PIGG: variants seen among roughly 807,000 people sequenced by gnomAD.
The protein encoded by PIGG is GPI ethanolamine phosphate transferase 2, catalytic subunit.
A neutral mutation model predicts 83.2 loss-of-function variants in PIGG; 70 were observed. That is an observed-to-expected ratio of 0.84 (90% CI 0.69 to 1.03). The LOEUF (loss-of-function observed/expected upper bound fraction) is 1.03. Ranked by LOEUF, PIGG falls within the 50% of genes least tolerant of loss-of-function variation. The pLI, the probability that PIGG is intolerant of heterozygous loss-of-function variation, is 0.00. For missense variants in PIGG, 1,257 were observed against 1,233.6 expected (o/e 1.02, Z -0.28); for synonymous variants, 532 against 519.5 (o/e 1.02, Z -0.33).
At chr4:539,077 T>C (rs1577180190) in intron 12 of PIGG, 76 bp from the exon 13 acceptor site, 5 of 966,136 alleles carry the variant, frequency 5.2e-6, no homozygotes, top group African/African-American at 4.8e-5. Flanking sequence ...TGGAGTCTTT[T>C]TGAAAATAAA....
At chr4:499,528 C>T (rs1553874333) in intron 1 of PIGG, 39 bp downstream of exon 1, 1 of 1,559,340 alleles carries the variant, frequency 6.4e-7, no homozygotes, top group Admixed American at 1.8e-5. Context: ...CCCCTGACCC[C>T]ACATCCCCTA....
At chr4:511,296 TAAAAAAAA>T (rs1191304904) in intron 5 of PIGG, among the ~76,000 whole-genome samples, 6 of 128,282 alleles carry the variant, frequency 4.7e-5, no homozygotes, top group Non-Finnish European at 8.4e-5. Context: ...TCCCCATCTT[TAAAAAAAA>T]AAAAAAAAAA....
rs1726749636 is a variant in PIGG, at chr4:523,760, G to A, written c.1916G>A (p.Ser639Asn). 6.2e-7 allele frequency: 1 copy of A among 1,614,072 alleles called. No individual in the cohort carries two copies. The highest frequency in any genetic ancestry group is 8.5e-7 in the Non-Finnish European group (1 of 1,180,048). Reference protein sequence around the residue: ...DVLERDKGHGSPSTSEVLRGR... With the variant: ...DVLERDKGHGNPSTSEVLRGR... ...CTGGAGCGAGACAAAGGCCACGGAA[G>A]CCCCTCTACCTCCGAAGTGCTCAGA... Residue 639 changes from serine (S) to asparagine (N), a missense_variant, in exon 9 of 13, where the codon AGC becomes AAC. Transcript: ENST00000453061.
chr4:532,064 G>C (rs1729202290), intron 11 of PIGG: 1 of 152,230 alleles, frequency 6.6e-6, no homozygotes, highest in Non-Finnish European at 1.5e-5. Flanking sequence ...AGAGGAACCT[G>C]TGGCTTTGCT....
chr4:505,264 T>C (rs1719197500), intron 2 of PIGG, among the ~76,000 whole-genome samples: 1 of 151,908 alleles, frequency 6.6e-6, no homozygotes, highest in South Asian at 2.1e-4. Context: ...TCCTTTAATA[T>C]GGTTATCTTT....
intron 10 of PIGG, 68 bp from the exon 11 acceptor site, chr4:530,368 C>A: frequency 1.7e-6 from 2 of 1,175,068 alleles, no homozygotes; most frequent in South Asian, 1.4e-5. Context: ...GTGTGTTTTT[C>A]ATGGGAAAAT....
chr4:517,397 A>G (rs1223627303), intron 6 of PIGG, among the ~76,000 whole-genome samples: 3 of 152,200 alleles, frequency 2.0e-5, no homozygotes, highest in Non-Finnish European at 4.4e-5. Flanking sequence ...CAGAGGCGTT[A>G]GGTACGACTC....
chr4:500,574 A>C lies in PIGG; in HGVS notation c.333A>C (p.Pro111=). The part of the protein sequence containing the change: ...ASHSFVAEAK[P]PTVTMPRIKA... ...ACAGTTTTGTGGCTGAAGCAAAGCC[A>C]CCTACAGTTACTATGCCTCGAATCA... The change falls in exon 2 of 13, where the codon CCA becomes CCC. Residue 111 remains proline, a synonymous_variant. Transcript: ENST00000453061. 6.2e-7 allele frequency: 1 copy of C among 1,610,520 alleles called. No homozygotes were observed. Among genetic ancestry groups the C allele is most frequent in the Non-Finnish European group, 8.5e-7 (1 of 1,176,708 alleles).
chr4:533,799 C>G lies in PIGG; in HGVS notation c.2572-19C>G. ...CCACGTGTTGTGAGGCCTTTGTCAG[C>G]TCTTCTCCTGTATTCCAGGGCAACT... On this transcript the variant is annotated intron_variant, in intron 11 of 12. Coordinates refer to ENST00000453061, the MANE Select transcript of PIGG (RefSeq NM_001127178.3). 1 of 1,613,098 alleles carries G rather than the reference C, an allele frequency of 6.2e-7. No homozygotes were observed. Among genetic ancestry groups the G allele is most frequent in the Non-Finnish European group, 8.5e-7 (1 of 1,179,082 alleles).
intron 12 of PIGG, among the ~76,000 whole-genome samples, chr4:535,487 G>T (rs1478250209): frequency 9.7e-6 from 1 of 103,572 alleles, no homozygotes; most frequent in East Asian, 3.1e-4. Flanking sequence ...CCAGCCTCCC[G>T]CACTTTCTGG....
intron 5 of PIGG, among the ~76,000 whole-genome samples, chr4:512,553 T>G (rs1450567425): frequency 6.6e-6 from 1 of 151,994 alleles, no homozygotes; most frequent in Non-Finnish European, 1.5e-5. Context: ...GCACGGTGGC[T>G]CATTTGTAAT....
intron 5 of PIGG, among the ~76,000 whole-genome samples, chr4:510,917 A>G (rs554675010): frequency 2.0e-5 from 3 of 152,062 alleles, no homozygotes; most frequent in East Asian, 1.9e-4. Context: ...TTTTGTGTAA[A>G]TGAAACCATA....
rs1461812770 is a variant in PIGG at position 523,700 on chromosome 4, C to T, written c.1856C>T (p.Thr619Ile). The T allele has an allele frequency of 1.1e-5, 17 of 1,614,120 alleles. No homozygotes were observed. Among genetic ancestry groups the T allele is most frequent in the African/African-American group, 2.7e-5 (2 of 74,946 alleles). ...GTGGAACAAGGGCATGACGGGGCCA[C>T]AGCAGCGTGGCAGGACGGGCCTGGC... is the stretch of plus-strand genomic sequence containing the variant. ...LCVEQGHDGA[T>I]AAWQDGPGCD... The change falls in exon 9 of 13, where the codon ACA becomes ATA. Residue 619 changes from threonine (T) to isoleucine (I), a missense_variant. Physicochemically the swap from Thr to Ile is moderately conservative, Grantham distance 89. Transcript: ENST00000453061.
At chr4:526,544 T>G (rs905651015) in intron 9 of PIGG, among the ~76,000 whole-genome samples, 9 of 152,008 alleles carry the variant, frequency 5.9e-5, no homozygotes, top group Non-Finnish European at 8.8e-5. Flanking sequence ...GTTACTGAGT[T>G]AATGGGAGGA....
chr4:526,940 T>G, intron 9 of PIGG, 99 bp from the exon 10 acceptor site: 1 of 1,295,432 alleles, frequency 7.7e-7, no homozygotes, highest in South Asian at 1.4e-5. Flanking sequence ...TTTGGGAAAA[T>G]CAGCTATTTT....
chr4:530,018 A>C (rs1370351517), intron 10 of PIGG, among the ~76,000 whole-genome samples: 1 of 152,232 alleles, frequency 6.6e-6, no homozygotes, highest in African/African-American at 2.4e-5. Context: ...AAATCTGCTC[A>C]GTTGTGCAAT....
intron 11 of PIGG, chr4:533,564 C>T (rs1387923883): frequency 3.8e-6 from 2 of 529,658 alleles, no homozygotes; most frequent in East Asian, 6.5e-5. Context: ...GCCCCAGCTT[C>T]TGCACGGTCC....
At position 500,452 on chromosome 4, in the gene PIGG, G is replaced by C; in HGVS notation, c.211G>C (p.Val71Leu). The change falls in exon 2 of 13, where the codon GTT (valine) becomes CTT (leucine). Residue 71 changes from valine (V) to leucine (L), a missense_variant. Val to Leu is a conservative substitution (Grantham distance 32, BLOSUM62 1). Coordinates refer to ENST00000453061, the MANE Select transcript of PIGG (RefSeq NM_001127178.3). ...ACCTCTCTTCAGTAAAGTTGTTATT[G>C]TTCTGATAGATGCCTTGAGAGATGA... is the stretch of plus-strand genomic sequence containing the variant. ...PPPLFSKVVI[V>L]LIDALRDDFV... 6.2e-7 allele frequency: 1 copy of C among 1,613,960 alleles called. No homozygotes were observed. Among genetic ancestry groups the C allele is most frequent in the Middle Eastern group, 1.6e-4 (1 of 6,062 alleles).
chr4:523,832 C>CCTGTTGCCGG lies in PIGG; in HGVS notation c.1991_1992insTTGCCGGCTG (p.Arg669ProfsTer18), dbSNP rs1560344785. 6.2e-7 allele frequency: 1 copy of CCTGTTGCCGG among 1,609,410 alleles called. No homozygotes were observed. The highest frequency in any genetic ancestry group is 8.5e-7 in the Non-Finnish European group (1 of 1,178,174). ...CTGGCCAGTCCGTGGCTAATACTGG[C>CCTGTTGCCGG]CTGCTGCCGGCTGCTGCGCTCCCTA... On this transcript the variant is annotated frameshift_variant, in exon 9 of 13. Coordinates refer to ENST00000453061, the MANE Select transcript of PIGG (RefSeq NM_001127178.3). LOFTEE classifies it high-confidence loss of function.
Sources: allele counts gnomAD v4.1 joint callset (sites outside exome capture counted in the v4.1 genomes callset), GRCh38; gene constraint gnomAD v4.1.1; transcripts MANE v1.5; gene names NCBI Gene and HGNC (gene_info 2026-07-23, HGNC 2026-07-21).